ATE1: variants seen among roughly 807,000 people sequenced by gnomAD.
ATE1 encodes the protein arginyltransferase 1, also known as arginyl-tRNA--protein transferase 1.
ATE1 carries 36 observed loss-of-function variants against 70.5 expected under a neutral mutation model. That is an observed-to-expected ratio of 0.51 (90% CI 0.39 to 0.67). The LOEUF (loss-of-function observed/expected upper bound fraction) is 0.67. Ranked by LOEUF, ATE1 falls within the 30% of genes least tolerant of loss-of-function variation. ATE1 has a pLI of 0.00. For missense variants in ATE1, 593 were observed against 629.5 expected (o/e 0.94, Z 0.62); for synonymous variants, 232 against 219.3 (o/e 1.06, Z -0.51).
intron 11 of ATE1, among the ~76,000 whole-genome samples, chr10:121,760,018 A>G (rs1944974208): frequency 6.6e-6 from 1 of 152,242 alleles, no homozygotes; most frequent in South Asian, 2.1e-4. Context: ...AGATGACAGC[A>G]CATCTGTTTA....
chr10:121,898,892 C>A (rs768890926), intron 7 of ATE1: 11 of 1,613,986 alleles, frequency 6.8e-6, no homozygotes, highest in Middle Eastern at 3.3e-4. Flanking sequence ...CCACTTGATA[C>A]TTGACATACA....
chr10:121,919,322 G>A (rs935484998), intron 3 of ATE1, among the ~76,000 whole-genome samples: 6 of 152,142 alleles, frequency 3.9e-5, no homozygotes, highest in African/African-American at 1.4e-4. Context: ...ACTTTGGGGG[G>A]CTGAAGCGGG....
intron 8 of ATE1, among the ~76,000 whole-genome samples, chr10:121,856,853 G>A (rs1274498601): frequency 1.3e-5 from 2 of 152,144 alleles, no homozygotes; most frequent in African/African-American, 4.8e-5. Flanking sequence ...CAAAATGAAG[G>A]ATGTCATATA....
At chr10:121,840,566 A>C (rs1469589362) in intron 9 of ATE1, among the ~76,000 whole-genome samples, 2 of 152,106 alleles carry the variant, frequency 1.3e-5, no homozygotes, top group East Asian at 3.9e-4. Flanking sequence ...GCCTTAAATA[A>C]ATGTATAAAC....
chr10:121,785,942 C>A (rs1341058324), intron 11 of ATE1, among the ~76,000 whole-genome samples: 1 of 152,020 alleles, frequency 6.6e-6, no homozygotes, highest in Non-Finnish European at 1.5e-5. Context: ...ATATATCTTA[C>A]TATAATTACA....
At position 121,919,211 on chromosome 10, in the gene ATE1, A is replaced by G. The variant is rs376385915; in HGVS notation, c.233+3138T>C. ...TGCTCATTCTTTGGGTCTGCGTCAC[A>G]TTTAAGAGCTGTAACACTCACTGCG... On this transcript the variant is annotated intron_variant, in intron 3 of 11. Transcript: ENST00000224652. 7.2e-5 allele frequency among the ~76,000 whole-genome samples: 11 copies of G among 152,178 alleles called. 1 individual carries two copies. The highest frequency in any genetic ancestry group is 2.4e-4 in the African/African-American group (10 of 41,532).
chr10:121,915,499 C>A (rs1951612053), intron 3 of ATE1, among the ~76,000 whole-genome samples: 1 of 152,068 alleles, frequency 6.6e-6, no homozygotes, highest in South Asian at 2.1e-4. Context: ...ATGGGACGAG[C>A]CCCCAGATAA....
At chr10:121,927,261 A>G in intron 1 of ATE1, 1 of 985,324 alleles carries the variant, frequency 1.0e-6, no homozygotes, top group Middle Eastern at 5.2e-4. Flanking sequence ...AATGGTAAAA[A>G]TTTCAAACAG....
At chr10:121,817,372 CACAGACACACAA>C in intron 10 of ATE1, among the ~76,000 whole-genome samples, 1 of 152,158 alleles carries the variant, frequency 6.6e-6, no homozygotes. Flanking sequence ...ACTAAAAATA[CACAGACACACAA>C]AAAAATTAGC....
intron 2 of ATE1, among the ~76,000 whole-genome samples, chr10:121,922,676 G>A (rs1028106249): frequency 1.3e-5 from 2 of 152,016 alleles, no homozygotes; most frequent in Non-Finnish European, 2.9e-5. Context: ...TGCCACCCCT[G>A]CTCTGCCTTC....
chr10:121,808,789 A>C (rs1947200682), intron 10 of ATE1, among the ~76,000 whole-genome samples: 1 of 152,234 alleles, frequency 6.6e-6, no homozygotes, highest in African/African-American at 2.4e-5. Flanking sequence ...CAGCCTTTTC[A>C]TGTAACTGTG....
At chr10:121,927,588 G>A (rs977019728) in intron 1 of ATE1, 145 of 973,410 alleles carry the variant, frequency 1.5e-4, no homozygotes, top group Non-Finnish European at 1.8e-4. Context: ...TACCCCAGAC[G>A]GGCGTCCGTC....
intron 7 of ATE1, among the ~76,000 whole-genome samples, chr10:121,893,834 C>G (rs1950666584): frequency 6.6e-6 from 1 of 151,918 alleles, no homozygotes; most frequent in Non-Finnish European, 1.5e-5. Flanking sequence ...CAAAAGCAAG[C>G]AGTAAAAGAG....
At chr10:121,765,122 T>C (rs968078229) in intron 11 of ATE1, among the ~76,000 whole-genome samples, 7 of 152,192 alleles carry the variant, frequency 4.6e-5, no homozygotes, top group African/African-American at 1.7e-4. Flanking sequence ...GGGAGGTCGC[T>C]GGCAGGACAC....
chr10:121,895,609 CG>C lies in ATE1; in HGVS notation c.942+4256del, dbSNP rs549426991. Among the ~76,000 whole-genome samples, 387 of 147,054 alleles carry C rather than the reference CG, an allele frequency of 2.6e-3. 5 individuals are homozygous for C. The highest frequency in any genetic ancestry group is 1.2e-3 in the East Asian group (6 of 4,926). On this transcript the variant is annotated intron_variant, in intron 7 of 11. Coordinates refer to ENST00000224652, the MANE Select transcript of ATE1 (RefSeq NM_001001976.3). ...AGCCTGGTTGACAAGAGCGAAACTC[CG>C]GCTCAAAAAAAAAAATTCCATCAAT...
At chr10:121,768,150 T>C (rs1035757174) in intron 11 of ATE1, among the ~76,000 whole-genome samples, 35 of 152,206 alleles carry the variant, frequency 2.3e-4, no homozygotes, top group Non-Finnish European at 2.9e-5. Flanking sequence ...GTCAAATTTA[T>C]AGAGACAGAA....
At chr10:121,791,434 A>G (rs998575546) in intron 10 of ATE1, among the ~76,000 whole-genome samples, 82 of 152,234 alleles carry the variant, frequency 5.4e-4, no homozygotes, top group African/African-American at 1.9e-3. Context: ...CTCAAATCTA[A>G]CACAAAGACT....
At chr10:121,813,918 A>G (rs1947427999) in intron 10 of ATE1, among the ~76,000 whole-genome samples, 1 of 152,220 alleles carries the variant, frequency 6.6e-6, no homozygotes, top group South Asian at 2.1e-4. Flanking sequence ...GCTGTGTACA[A>G]AAGTCTGCCT....
chr10:121,846,280 A>G (rs1037500132), intron 8 of ATE1, among the ~76,000 whole-genome samples: 1 of 152,214 alleles, frequency 6.6e-6, no homozygotes, highest in African/African-American at 2.4e-5. Context: ...CAAGTATGAG[A>G]TAAATATTCA....
Sources: gnomAD v4.1 joint callset for allele counts (sites outside exome capture counted in the v4.1 genomes callset) on GRCh38, gnomAD v4.1.1 for gene constraint, MANE v1.5 for transcripts, NCBI Gene and HGNC (gene_info 2026-07-23, HGNC 2026-07-21) for gene names.